The following EFHB variants were observed in gnomAD, a reference collection of about 807,000 sequenced individuals.
EFHB encodes EF-hand domain-containing family member B.
In EFHB, 91 loss-of-function variants were observed where a neutral mutation model predicts 87.2. That is an observed-to-expected ratio of 1.04 (90% CI 0.88 to 1.24). The LOEUF is 1.24. Among genes scored for constraint, EFHB ranks in the 50% most tolerant of loss-of-function variants. The pLI is 0.00. For missense variants in EFHB, 1,084 were observed against 998.8 expected (o/e 1.09, Z -1.15); for synonymous variants, 325 against 333.6 (o/e 0.97, Z 0.28).
At position 19,905,945 on chromosome 3, in the gene EFHB, G is replaced by A. The variant is rs114071466; in HGVS notation, c.1289-196C>T. Among the ~76,000 whole-genome samples the A allele has an allele frequency of 6.2e-3, 945 of 152,276 alleles. 2 individuals are homozygous for A. Among genetic ancestry groups the A allele is most frequent in the Non-Finnish European group, 9.7e-3 (662 of 68,016 alleles). Reference sequence around the variant, plus strand: ...ATGTGAGCTGGGAGACTGGTGGGATGCTACACACAACAATACGTTGTGTTA... The same window carrying A: ...ATGTGAGCTGGGAGACTGGTGGGATACTACACACAACAATACGTTGTGTTA... On this transcript the variant is annotated intron_variant, in intron 5 of 12. Coordinates refer to ENST00000295824, the MANE Select transcript of EFHB (RefSeq NM_144715.4).
chr3:19,918,126 C>T (rs2125150050), intron 4 of EFHB, 106 bp downstream of exon 4: 5 of 1,189,944 alleles, frequency 4.2e-6, no homozygotes, highest in East Asian at 2.4e-5. Flanking sequence ...CTTGAGTCAT[C>T]GTTTACACCA....
At chr3:19,898,421 G>A (rs748677237) in intron 8 of EFHB, among the ~76,000 whole-genome samples, 76 of 152,312 alleles carry the variant, frequency 5.0e-4, no homozygotes, top group Admixed American at 1.9e-3. Flanking sequence ...GCAGTCTGCA[G>A]ACCACACTTT....
At chr3:19,927,131 G>A (rs1695659139) in intron 1 of EFHB, among the ~76,000 whole-genome samples, 1 of 152,110 alleles carries the variant, frequency 6.6e-6, no homozygotes, top group Admixed American at 6.6e-5. Flanking sequence ...TTCTATTCCA[G>A]GGCTCAATAT....
chr3:19,885,699 A>G (rs576619169), intron 10 of EFHB, among the ~76,000 whole-genome samples: 1 of 152,280 alleles, frequency 6.6e-6, no homozygotes, highest in African/African-American at 2.4e-5. Flanking sequence ...GGCAAACTAG[A>G]AAAGACTTAC....
chr3:19,898,719 T>C lies in EFHB; in HGVS notation c.1570+59A>G, dbSNP rs1694565687. 5.2e-6 allele frequency: 8 copies of C among 1,526,362 alleles called. No homozygotes were observed. The Admixed American group carries it at 1.2e-4, about 23-fold the overall frequency. 94.6% of individuals were successfully genotyped at this position (1,526,362 alleles called of 1,614,324 possible). A position where few individuals can be genotyped will look rare whatever the true frequency, so the allele number is the denominator to read the frequency against. On this transcript the variant is annotated intron_variant, in intron 8 of 12. Transcript: ENST00000295824. The stretch of plus-strand genomic sequence containing the variant: ...GATGGTGAGCTTAACTGCATAACTT[T>C]GTGGGGATTTTGTTGCTGTTTGTTT...
chr3:19,930,240 T>A (rs1695784954), intron 1 of EFHB, among the ~76,000 whole-genome samples: 1 of 152,212 alleles, frequency 6.6e-6, no homozygotes, highest in East Asian at 1.9e-4. Flanking sequence ...ATAATCAAAA[T>A]AAATATTTTA....
chr3:19,882,462 A>G (rs2071701284), intron 12 of EFHB, 88 bp downstream of exon 12: 1 of 1,243,906 alleles, frequency 8.0e-7, no homozygotes, highest in Non-Finnish European at 1.1e-6. Flanking sequence ...AGACTTTTGT[A>G]AATATAAAAA....
At chr3:19,926,554 G>A (rs1350377430) in intron 1 of EFHB, among the ~76,000 whole-genome samples, 11 of 151,842 alleles carry the variant, frequency 7.2e-5, no homozygotes, top group Admixed American at 5.9e-4. Flanking sequence ...TAGTAGAGAC[G>A]GGGCTTCACT....
chr3:19,919,757 T>C (rs1470865187), intron 3 of EFHB, 76 bp downstream of exon 3: 2 of 1,425,348 alleles, frequency 1.4e-6, no homozygotes, highest in Non-Finnish European at 1.9e-6. Flanking sequence ...AACTGATGAA[T>C]TTCACTAATA....
At chr3:19,921,241 G>A (rs935344343) in intron 1 of EFHB, among the ~76,000 whole-genome samples, 5 of 152,028 alleles carry the variant, frequency 3.3e-5, no homozygotes, top group East Asian at 1.9e-4. Context: ...GAATACATAC[G>A]GGTAGGTGAA....
chr3:19,919,966 G>A lies in EFHB; in HGVS notation c.863C>T (p.Pro288Leu), dbSNP rs1241204058. 16 of 1,613,446 alleles carry A rather than the reference G, an allele frequency of 9.9e-6. No individual in the cohort carries two copies. The highest frequency in any genetic ancestry group is 1.4e-5 in the Non-Finnish European group (16 of 1,179,732). The change falls in exon 3 of 13, where the codon CCA (proline) becomes CTA (leucine). Residue 288 changes from proline (P) to leucine (L), a missense_variant. Coordinates refer to ENST00000295824, the MANE Select transcript of EFHB (RefSeq NM_144715.4). Reference protein sequence around the residue: ...LTEKLPRLITPPEAKKYFNFR... With the variant: ...LTEKLPRLITLPEAKKYFNFR... The stretch of plus-strand genomic sequence containing the variant: ...GTTGAAATACTTTTTTGCTTCAGGT[G>A]GAGTAATTAGCTACAAAGAGTGAGG...
At chr3:19,901,946 T>C (rs970137205) in intron 6 of EFHB, among the ~76,000 whole-genome samples, 13 of 144,214 alleles carry the variant, frequency 9.0e-5, no homozygotes, top group Non-Finnish European at 1.5e-4. Flanking sequence ...TGAAACTCTG[T>C]CTCAAAAAAA....
At chr3:19,897,900 T>C (rs1013937795) in intron 8 of EFHB, among the ~76,000 whole-genome samples, 2 of 152,220 alleles carry the variant, frequency 1.3e-5, no homozygotes, top group East Asian at 3.8e-4. Context: ...ATATTTATTC[T>C]ACCTGTCAAT....
chr3:19,939,381 T>C (rs1696098682), intron 1 of EFHB, among the ~76,000 whole-genome samples: 2 of 101,810 alleles, frequency 2.0e-5, no homozygotes, highest in African/African-American at 7.9e-5. Flanking sequence ...TTTTTTTTTT[T>C]TTTTTTTTTT....
rs1008868647 is a variant in EFHB, at chr3:19,927,669, C to T, written c.789+5561G>A. On this transcript the variant is annotated intron_variant, in intron 1 of 12. Coordinates refer to ENST00000295824, the MANE Select transcript of EFHB (RefSeq NM_144715.4). The stretch of plus-strand genomic sequence containing the variant: ...ATGCACCCTGATGCAAAGTGATTAT[C>T]CTCAAGCATTGATCTTGCAGGTTAT... 2.6e-5 allele frequency among the ~76,000 whole-genome samples: 4 copies of T among 152,154 alleles called. No homozygotes were observed. In the East Asian group the frequency reaches 5.8e-4, roughly 22 times the overall value.
intron 5 of EFHB, among the ~76,000 whole-genome samples, chr3:19,908,562 A>AAGAGAGAGAGAGAG (rs71624361): frequency 7.2e-5 from 6 of 83,890 alleles, no homozygotes; most frequent in South Asian, 1.1e-3. Context: ...GAAAGAGAGA[A>AAGAGAGAGAGAGAG]AGAGAGAGAG....
intron 8 of EFHB, 121 bp downstream of exon 8, chr3:19,898,657 T>G: frequency 1.3e-4 from 124 of 957,332 alleles, no homozygotes; most frequent in Non-Finnish European, 1.8e-4. Context: ...TAATGCAACA[T>G]TTTAAGTCTT....
chr3:19,934,288 A>C, upstream of EFHB: 6 of 1,341,048 alleles, frequency 4.5e-6, no homozygotes, highest in East Asian at 2.9e-5. Context: ...ATCCCTGCCC[A>C]TCTCTCATTC....
chr3:19,885,527 A>G (rs577954403), intron 10 of EFHB, among the ~76,000 whole-genome samples: 1 of 152,362 alleles, frequency 6.6e-6, no homozygotes, highest in South Asian at 2.1e-4. Context: ...AAATTTAGGA[A>G]TAAATTCCTG....
Sources: gnomAD v4.1 joint callset for allele counts (sites outside exome capture counted in the v4.1 genomes callset) on GRCh38, gnomAD v4.1.1 for gene constraint, MANE v1.5 for transcripts, NCBI Gene and HGNC (gene_info 2026-07-23, HGNC 2026-07-21) for gene names.